DOT1L: variants seen among roughly 807,000 people sequenced by gnomAD.
The protein encoded by DOT1L is DOT1 like histone lysine methyltransferase.
Under a neutral mutation model 153.3 loss-of-function variants are expected in DOT1L, and 33 were observed. That is an observed-to-expected ratio of 0.22 (90% CI 0.16 to 0.29). The LOEUF is 0.29. DOT1L is among the 10% of genes least tolerant of loss of function. DOT1L has a pLI of 1.00. For missense variants in DOT1L, 1,847 were observed against 2,119.9 expected, an observed-to-expected ratio of 0.87 and a Z score of 2.53; for synonymous variants, 1,135 against 965.1, an observed-to-expected ratio of 1.18 and a Z score of -3.26.
chr19:2,195,161 C>A (rs914216239), intron 7 of DOT1L, among the ~76,000 whole-genome samples: 1 of 151,954 alleles, frequency 6.6e-6, no homozygotes, highest in Non-Finnish European at 1.5e-5. Context: ...GAAGGGGATG[C>A]TGTTTAGGGA....
intron 8 of DOT1L, among the ~76,000 whole-genome samples, chr19:2,201,193 TCATTCCTCGTCCTCCCCG>T (rs2023264226): frequency 1.6e-5 from 1 of 61,440 alleles, no homozygotes; most frequent in Non-Finnish European, 3.2e-5. Flanking sequence ...CGTCCTCCCC[TCATTCCTCGTCCTCCCCG>T]CATTCCTCGT....
intron 26 of DOT1L, 21 bp downstream of exon 26, chr19:2,225,473 G>A (rs764863660): frequency 5.0e-6 from 8 of 1,613,172 alleles, no homozygotes; most frequent in East Asian, 2.2e-5. Flanking sequence ...AGTGTTTTGC[G>A]GCGTGGCCAG....
rs2144933204 is a variant in DOT1L at position 2,226,594 on chromosome 19, G to A, written c.4073G>A (p.Gly1358Asp). Residue 1358 changes from glycine to aspartate, a missense_variant, in exon 27 of 28, where the codon GGC becomes GAC. Around this residue, in one of 8 missense-constraint regions of DOT1L, gnomAD observed 934 missense variants for 825.3 expected, o/e 1.13. Transcript: ENST00000398665. ...CCGCTGAGCTTCCCCTCGCAGCGCGGCAAGGAGGGCTCGGACGCCAACCCT... is the reference window on the plus strand; with the variant it reads ...CCGCTGAGCTTCCCCTCGCAGCGCGACAAGGAGGGCTCGGACGCCAACCCT... Reference protein sequence around the residue: ...SSPLSFPSQRGKEGSDANPFL... With the variant: ...SSPLSFPSQRDKEGSDANPFL... The A allele has an allele frequency of 6.3e-7, 1 of 1,598,852 alleles. No homozygotes were observed. The highest frequency in any genetic ancestry group is 1.3e-5 in the African/African-American group (1 of 74,980).
intron 2 of DOT1L, among the ~76,000 whole-genome samples, chr19:2,181,665 T>G (rs1341558066): frequency 6.6e-6 from 1 of 151,796 alleles, no homozygotes; most frequent in East Asian, 1.9e-4. Context: ...GGCAGTGGAG[T>G]AGGGGCCCCT....
intron 17 of DOT1L, 88 bp from the exon 18 acceptor site, chr19:2,213,747 CAGCTGTGTCCCAGG>C: frequency 6.2e-7 from 1 of 1,600,842 alleles, no homozygotes; most frequent in South Asian, 1.1e-5. Flanking sequence ...TGCCTCTGTC[CAGCTGTGTCCCAGG>C]GGCTGGGCTG....
intron 27 of DOT1L, chr19:2,227,634 G>A (rs2024408275): frequency 8.3e-7 from 1 of 1,209,602 alleles, no homozygotes; most frequent in African/African-American, 1.6e-5. Context: ...CACACGCCTG[G>A]CGGCGCCGTT....
At chr19:2,198,427 G>A (rs1196898144) in intron 7 of DOT1L, among the ~76,000 whole-genome samples, 1 of 143,946 alleles carries the variant, frequency 6.9e-6, no homozygotes, top group Non-Finnish European at 1.6e-5. Context: ...GCTCCTGGCC[G>A]GGGCGGGTGG....
At chr19:2,171,030 T>C (rs768052861) in intron 1 of DOT1L, among the ~76,000 whole-genome samples, 1 of 152,238 alleles carries the variant, frequency 6.6e-6, no homozygotes, top group Non-Finnish European at 1.5e-5. Context: ...TGGCTCGATA[T>C]CTGCTGACTG....
In DOT1L at chr19:2,185,319, G is replaced by C. The variant is rs116668121; in HGVS notation, c.126-536G>C. On this transcript the variant is annotated intron_variant, in intron 2 of 27. Coordinates refer to ENST00000398665, the MANE Select transcript of DOT1L (RefSeq NM_032482.3). ...CACTTAGGTCCCCAGAGCCACTGGT[G>C]TGTGGCCTCGAAGCCACGTAATACC... 5.1e-3 allele frequency among the ~76,000 whole-genome samples: 783 copies of C among 152,330 alleles called. 6 individuals carry two copies. The highest frequency in any genetic ancestry group is 0.018 in the African/African-American group (736 of 41,578).
chr19:2,225,074 G>A (rs1197974982), intron 25 of DOT1L, among the ~76,000 whole-genome samples: 1 of 152,218 alleles, frequency 6.6e-6, no homozygotes, highest in Non-Finnish European at 1.5e-5. Context: ...CTCTGTCTGG[G>A]ATTCTCACAC....
chr19:2,164,342 C>A, intron 1 of DOT1L, 77 bp downstream of exon 1: 1 of 1,051,082 alleles, frequency 9.5e-7, no homozygotes. Flanking sequence ...CAAACCCCCC[C>A]AAGCCGCGCT....
At chr19:2,165,143 C>T (rs1444484557) in intron 1 of DOT1L, among the ~76,000 whole-genome samples, 2 of 152,204 alleles carry the variant, frequency 1.3e-5, no homozygotes, top group South Asian at 2.1e-4. Flanking sequence ...TTGGGACCCT[C>T]TGGCCACGCT....
chr19:2,183,920 C>T (rs759501934), intron 2 of DOT1L, among the ~76,000 whole-genome samples: 14 of 131,402 alleles, frequency 1.1e-4, no homozygotes, highest in East Asian at 2.2e-4. Flanking sequence ...CCACCACGCC[C>T]GGCCTTTGGT....
At chr19:2,181,705 T>C (rs920455088) in intron 2 of DOT1L, among the ~76,000 whole-genome samples, 2 of 152,128 alleles carry the variant, frequency 1.3e-5, no homozygotes, top group African/African-American at 4.8e-5. Flanking sequence ...TCTGGTGTTA[T>C]GGTTGGAGGG....
Position 2,222,412 on chromosome 19 carries a change from G to T in DOT1L, c.3243G>T (p.Gln1081His), listed in dbSNP as rs757080776. 6.2e-7 allele frequency: 1 copy of T among 1,610,964 alleles called. No homozygotes were observed. Among genetic ancestry groups the T allele is most frequent in the Admixed American group, 1.7e-5 (1 of 59,874 alleles). The change falls in exon 24 of 28, where the codon CAG becomes CAT. Residue 1081 changes from glutamine (Q) to histidine (H), a missense_variant. Gln to His is a conservative substitution (Grantham distance 24, BLOSUM62 0). Transcript: ENST00000398665. This position sits in a 1 kb window ranked among gnomAD's most constrained non-coding sequence, Gnocchi z 6.5. ...ARGDCVPSHGQDSRRRGRRKR... is the reference protein window; with the variant it reads ...ARGDCVPSHGHDSRRRGRRKR... ...GGGACTGTGTGCCGAGCCACGGGCA[G>T]GACAGTCGCAGGCGCGGCCGGCGGA... is the stretch of plus-strand genomic sequence containing the variant.
In DOT1L at chr19:2,208,992, T is replaced by C; in HGVS notation, c.1005+16T>C. The C allele has an allele frequency of 3.1e-6, 5 of 1,611,998 alleles. No homozygotes were observed. The highest frequency in any genetic ancestry group is 1.7e-4 in the Middle Eastern group (1 of 6,050). ...AAAACTCAGGGTAAGTTTGTGTGTT[T>C]TTTCTCTTGGGTTAATAACACGCAT... is the stretch of plus-strand genomic sequence containing the variant. On this transcript the variant is annotated intron_variant, in intron 12 of 27. Coordinates refer to ENST00000398665, the MANE Select transcript of DOT1L (RefSeq NM_032482.3). This position sits in a 1 kb window ranked among gnomAD's most constrained non-coding sequence, Gnocchi z 4.4.
At chr19:2,167,181 AAGTC>A (rs2019954476) in intron 1 of DOT1L, among the ~76,000 whole-genome samples, 1 of 152,058 alleles carries the variant, frequency 6.6e-6, no homozygotes, top group Non-Finnish European at 1.5e-5. Flanking sequence ...TTTTTGGTGA[AAGTC>A]AGTGTTCGCG....
At chr19:2,187,423 C>G (rs1159068193) in intron 3 of DOT1L, among the ~76,000 whole-genome samples, 1 of 152,208 alleles carries the variant, frequency 6.6e-6, no homozygotes, top group Non-Finnish European at 1.5e-5. Flanking sequence ...GGAAGGACAT[C>G]AGGGACAGGC....
Position 2,207,270 on chromosome 19 carries a change from A to C in DOT1L, c.857-304A>C, listed in dbSNP as rs12983678. ...ACCCGGGAGGTGCCTGTGTTGCTGGATGCTGGCCGTTCTTGCAGCCGTGAT... is the reference window on the plus strand; with the variant it reads ...ACCCGGGAGGTGCCTGTGTTGCTGGCTGCTGGCCGTTCTTGCAGCCGTGAT... On this transcript the variant is annotated intron_variant, in intron 10 of 27. Transcript: ENST00000398665. The surrounding 1 kb of genome is among the most constrained non-coding windows in gnomAD (Gnocchi z 4.5). Among the ~76,000 whole-genome samples the C allele has an allele frequency of 6.6e-6, 1 of 151,970 alleles. No homozygotes were observed. The highest frequency in any genetic ancestry group is 1.9e-4 in the East Asian group (1 of 5,176).
Sources: allele counts gnomAD v4.1 joint callset (sites outside exome capture counted in the v4.1 genomes callset), GRCh38; gene constraint gnomAD v4.1.1; regional missense constraint gnomAD v4.1.1; non-coding constraint Gnocchi (gnomAD v3.1); transcripts MANE v1.5; gene names NCBI Gene and HGNC (gene_info 2026-07-23, HGNC 2026-07-21).